The following IGFBP7 variants were observed in gnomAD, a reference collection of about 807,000 sequenced individuals.
IGFBP7 encodes insulin-like growth factor-binding protein 7.
A neutral mutation model predicts 29.4 loss-of-function variants in IGFBP7; 31 were observed. The observed-to-expected ratio is 1.05, with a 90% confidence interval of 0.79 to 1.42. The LOEUF (loss-of-function observed/expected upper bound fraction) is 1.42, where lower values mean the gene tolerates loss of function less well. Among genes scored for constraint, IGFBP7 ranks in the 40% most tolerant of loss-of-function variants. IGFBP7 has a pLI of 0.00. For synonymous variants in IGFBP7, 172 were observed against 174.9 expected (o/e 0.98, Z 0.13); for missense variants, 393 against 395.5 (o/e 0.99, Z 0.05).
Position 57,110,199 on chromosome 4 carries a change from G to T in IGFBP7, c.153C>A (p.Gly51=). The change falls in exon 1 of 5, where the codon GGC becomes GGA. Residue 51 remains glycine, a synonymous_variant. Transcript: ENST00000295666. The part of the protein sequence containing the change: ...PPLPPLGCLL[G]ETRDACGCCP... ...AGCAGCCGCACGCGTCGCGGGTCTC[G>T]CCCAGCAGGCAGCCCAGCGGGGGCA... 7.2e-7 allele frequency: 1 copy of T among 1,381,338 alleles called. No individual in the cohort carries two copies. Among genetic ancestry groups the T allele is most frequent in the Non-Finnish European group, 9.3e-7 (1 of 1,076,496 alleles). The allele number at this position is 1,381,338 out of a possible 1,614,324, so 85.6% of individuals were successfully genotyped here. A position where few individuals can be genotyped will look rare whatever the true frequency, so the allele number is the denominator to read the frequency against.
intron 1 of IGFBP7, among the ~76,000 whole-genome samples, chr4:57,107,047 C>T (rs962771787): frequency 1.3e-5 from 2 of 152,192 alleles, no homozygotes; most frequent in Non-Finnish European, 2.9e-5. Context: ...ACCAAGATCT[C>T]TTCCCAGTTG....
intron 1 of IGFBP7, among the ~76,000 whole-genome samples, chr4:57,101,693 C>T (rs1054279793): frequency 1.3e-5 from 2 of 151,822 alleles, no homozygotes; most frequent in East Asian, 1.9e-4. Flanking sequence ...GTTTCCCCCC[C>T]TCCCCCCATT....
chr4:57,076,465 G>A (rs1482212261), intron 1 of IGFBP7, among the ~76,000 whole-genome samples: 3 of 152,228 alleles, frequency 2.0e-5, no homozygotes, highest in East Asian at 1.9e-4. Flanking sequence ...ATTTAACCAT[G>A]CAACCTCCCT....
chr4:57,103,663 T>TTTTC (rs1220329014), intron 1 of IGFBP7, among the ~76,000 whole-genome samples: 1 of 129,624 alleles, frequency 7.7e-6, no homozygotes, highest in African/African-American at 2.9e-5. Flanking sequence ...TTCTTTTCTT[T>TTTTC]TTTTTTTTTT....
intron 1 of IGFBP7, among the ~76,000 whole-genome samples, chr4:57,080,861 A>G (rs549938566): frequency 3.3e-5 from 5 of 152,354 alleles, no homozygotes; most frequent in South Asian, 2.1e-4. Context: ...AGCACCACCA[A>G]TGAAAGTGTG....
At chr4:57,044,441 C>T in intron 1 of IGFBP7, among the ~76,000 whole-genome samples, 1 of 152,198 alleles carries the variant, frequency 6.6e-6, no homozygotes, top group Non-Finnish European at 1.5e-5. Context: ...TAGCCCAAGG[C>T]TATGAAGATC....
At chr4:57,051,180 G>T (rs881382) in intron 1 of IGFBP7, among the ~76,000 whole-genome samples, 45,532 of 152,056 alleles carry the variant, frequency 0.3, 6,927 homozygotes, top group Admixed American at 0.37. Flanking sequence ...ATGGGGAAGG[G>T]GATGAAACAA....
chr4:57,100,901 G>T (rs1333594771), intron 1 of IGFBP7, among the ~76,000 whole-genome samples: 1 of 152,194 alleles, frequency 6.6e-6, no homozygotes, highest in Non-Finnish European at 1.5e-5. Flanking sequence ...GACCTGCAGT[G>T]TCTTTATTTG....
intron 1 of IGFBP7, among the ~76,000 whole-genome samples, chr4:57,073,853 A>G (rs922302772): frequency 1.3e-5 from 2 of 152,070 alleles, no homozygotes; most frequent in Admixed American, 1.3e-4. Flanking sequence ...GATCCTCAGG[A>G]CAGTCCTGTG....
chr4:57,063,566 T>A (rs1008392858), intron 1 of IGFBP7, among the ~76,000 whole-genome samples: 1 of 152,238 alleles, frequency 6.6e-6, no homozygotes, highest in Non-Finnish European at 1.5e-5. Flanking sequence ...TTGTTGCAGA[T>A]CATTGAAAAG....
At chr4:57,077,794 A>T (rs1428095193) in intron 1 of IGFBP7, among the ~76,000 whole-genome samples, 2 of 152,170 alleles carry the variant, frequency 1.3e-5, no homozygotes, top group Non-Finnish European at 2.9e-5. Flanking sequence ...ATTCCGATCC[A>T]GGTGATGCTG....
chr4:57,092,897 T>A lies in IGFBP7; in HGVS notation c.475+16980A>T, dbSNP rs553686224. Among the ~76,000 whole-genome samples, 129 of 151,774 alleles carry A rather than the reference T, an allele frequency of 8.5e-4. 1 individual carries two copies. Among genetic ancestry groups the A allele is most frequent in the Non-Finnish European group, 5.6e-4 (38 of 67,892 alleles). On this transcript the variant is annotated intron_variant, in intron 1 of 4. Transcript: ENST00000295666. The stretch of plus-strand genomic sequence containing the variant: ...ACATGGAAAATATTAGTTATAAATT[T>A]AAAATTTGCAAATATATGGACTCCA...
At chr4:57,059,807 A>G (rs1227682354) in intron 1 of IGFBP7, among the ~76,000 whole-genome samples, 1 of 152,252 alleles carries the variant, frequency 6.6e-6, no homozygotes, top group Non-Finnish European at 1.5e-5. Flanking sequence ...TCTAATCATC[A>G]TCAACTTTAA....
intron 1 of IGFBP7, among the ~76,000 whole-genome samples, chr4:57,070,787 G>T (rs1725034906): frequency 6.6e-6 from 1 of 152,204 alleles, no homozygotes; most frequent in African/African-American, 2.4e-5. Context: ...CAGGGGTAAT[G>T]AGCATTGGAT....
intron 2 of IGFBP7, among the ~76,000 whole-genome samples, chr4:57,039,772 G>A (rs1243580963): frequency 6.7e-6 from 1 of 149,980 alleles, no homozygotes; most frequent in African/African-American, 2.5e-5. Context: ...CCACAGGCAT[G>A]CCTCACCATG....
At chr4:57,084,106 A>G (rs1225204018) in intron 1 of IGFBP7, among the ~76,000 whole-genome samples, 1 of 152,244 alleles carries the variant, frequency 6.6e-6, no homozygotes, top group Non-Finnish European at 1.5e-5. Context: ...ATCTAAAGTT[A>G]ACTAAAAAAT....
At chr4:57,082,472 A>T (rs1473447760) in intron 1 of IGFBP7, among the ~76,000 whole-genome samples, 3 of 152,198 alleles carry the variant, frequency 2.0e-5, no homozygotes, top group Non-Finnish European at 4.4e-5. Context: ...CCCCAGAATC[A>T]TTCTAGATCT....
intron 1 of IGFBP7, among the ~76,000 whole-genome samples, chr4:57,070,909 T>C (rs1246935726): frequency 1.3e-5 from 2 of 152,232 alleles, no homozygotes; most frequent in Admixed American, 1.3e-4. Context: ...CACATCTCAA[T>C]GTATTAAATA....
In IGFBP7 at chr4:57,110,277, A is replaced by G; in HGVS notation, c.75T>C (p.Ser25=). Reference sequence around the variant, plus strand: ...GGCCGCAGGTGTCCGAAGAGGAGGAAGAGGAGAGGGGCAGGAGCAGGAGCA... The same window carrying G: ...GGCCGCAGGTGTCCGAAGAGGAGGAGGAGGAGAGGGGCAGGAGCAGGAGCA... The part of the protein sequence containing the change: ...GLLLLLLPLS[S]SSSSDTCGPC... The change falls in exon 1 of 5, where the codon TCT becomes TCC. Residue 25 remains serine, a synonymous_variant. Transcript: ENST00000295666. 7.0e-7 allele frequency: 1 copy of G among 1,427,002 alleles called. No homozygotes were observed. The highest frequency in any genetic ancestry group is 9.2e-7 in the Non-Finnish European group (1 of 1,091,524). 88.4% of individuals were successfully genotyped at this position (1,427,002 alleles called of 1,614,324 possible).
Sources: allele counts gnomAD v4.1 joint callset (sites outside exome capture counted in the v4.1 genomes callset), GRCh38; gene constraint gnomAD v4.1.1; transcripts MANE v1.5; gene names NCBI Gene and HGNC (gene_info 2026-07-23, HGNC 2026-07-21).